Variants in NUDT22 observed in about 807,000 individuals in gnomAD.
NUDT22 encodes the protein uridine diphosphate glucose pyrophosphatase NUDT22.
In NUDT22, 23 loss-of-function variants were observed where a neutral mutation model predicts 28.8. That is an observed-to-expected ratio of 0.80 (90% CI 0.58 to 1.13). The LOEUF (loss-of-function observed/expected upper bound fraction) is 1.13. NUDT22 is among the 50% of genes most tolerant of loss of function. The pLI, the probability that NUDT22 is intolerant of heterozygous loss-of-function variation, is 0.00. For synonymous variants in NUDT22, 175 were observed against 173.7 expected (o/e 1.01, Z -0.06); for missense variants, 358 against 387.3 (o/e 0.92, Z 0.64).
downstream of NUDT22, chr11:64,230,060 G>GC: frequency 2.8e-6 from 4 of 1,444,502 alleles, no homozygotes; most frequent in Non-Finnish European, 3.9e-6. Flanking sequence ...GGAGCAATGG[G>GC]CCCTGAGTGT....
In NUDT22 at chr11:64,229,841, T is replaced by A; in HGVS notation, c.772-9T>A. On this transcript the variant is annotated splice_polypyrimidine_tract_variant and intron_variant, in intron 5 of 5. Coordinates refer to ENST00000279206, the MANE Select transcript of NUDT22 (RefSeq NM_032344.4). Reference sequence around the variant, plus strand: ...GCTTGAATGCCTGGGTCTCGTTGTCTCCCCACAGAACGTGCAGAGATTGCT... The same window carrying A: ...GCTTGAATGCCTGGGTCTCGTTGTCACCCCACAGAACGTGCAGAGATTGCT... 6.2e-7 allele frequency: 1 copy of A among 1,612,902 alleles called. No homozygotes were observed.
At chr11:64,226,518 G>A (rs1037977675) in intron 1 of NUDT22, 91 bp downstream of exon 1, 4 of 1,487,566 alleles carry the variant, frequency 2.7e-6, no homozygotes, top group Non-Finnish European at 3.5e-6. Context: ...AGTGGTCAGG[G>A]GGGTGGAGAA....
Position 64,226,301 on chromosome 11 carries a change from A to T in NUDT22, c.-145A>T. 1 of 968,848 alleles carries T rather than the reference A, an allele frequency of 1.0e-6. No individual in the cohort carries two copies. Among genetic ancestry groups the T allele is most frequent in the Non-Finnish European group, 1.3e-6 (1 of 758,434 alleles). The allele number at this position is 968,848 out of a possible 1,614,324, so 60.0% of individuals were successfully genotyped here. A position where few individuals can be genotyped will look rare whatever the true frequency, so the allele number is the denominator to read the frequency against. On this transcript the variant is annotated 5_prime_UTR_variant, in exon 1 of 6. Coordinates refer to ENST00000279206, the MANE Select transcript of NUDT22 (RefSeq NM_032344.4). ...AGCCTGAGGGACCCGGCGGCTGGTG[A>T]GCGCCCGCTGGAGGCTGGAGCTTCC...
Position 64,227,330 on chromosome 11 carries a change from C to T in NUDT22, c.480+198C>T, listed in dbSNP as rs565246296. On this transcript the variant is annotated intron_variant, in intron 2 of 5. Transcript: ENST00000279206. ...CAGTCCTGTGAGAAACTAGAAAACA[C>T]GGGAGGAAAGATTGGGCACAGGAAG... 2.5e-4 allele frequency: 191 copies of T among 761,032 alleles called. No homozygotes were observed. In the South Asian group the frequency reaches 2.7e-3, roughly 11 times the overall value. The allele number at this position is 761,032 out of a possible 1,614,324, so 47.1% of individuals were successfully genotyped here. A position where few individuals can be genotyped will look rare whatever the true frequency, so the allele number is the denominator to read the frequency against.
intron 5 of NUDT22, 52 bp from the exon 6 acceptor site, chr11:64,229,798 T>G (rs1591072224): frequency 6.2e-7 from 1 of 1,610,116 alleles, no homozygotes; most frequent in Non-Finnish European, 8.5e-7. Flanking sequence ...GGCACAGCCC[T>G]GGCAGGAGAA....
chr11:64,227,231 AG>A, intron 2 of NUDT22, 99 bp downstream of exon 2: 1 of 1,417,192 alleles, frequency 7.1e-7, no homozygotes. Context: ...CATTCCTTAA[AG>A]GGAAAATTGG....
chr11:64,230,094 G>GAAA (rs10708923), downstream of NUDT22: 114 of 721,004 alleles, frequency 1.6e-4, no homozygotes, highest in Non-Finnish European at 1.6e-4. Context: ...AGTGACTTGG[G>GAAA]AAAAAAAAAA....
At chr11:64,227,542 C>G in intron 2 of NUDT22, 26 bp from the exon 3 acceptor site, 1 of 1,576,274 alleles carries the variant, frequency 6.3e-7, no homozygotes, top group Middle Eastern at 1.7e-4. Flanking sequence ...AGGTGGGGAG[C>G]AGGGGCTGAG....
At position 64,226,853 on chromosome 11, in the gene NUDT22, C is replaced by A. The variant is rs1184532773; in HGVS notation, c.201C>A (p.Thr67=). The change falls in exon 2 of 6, where the codon ACC becomes ACA. Residue 67 remains threonine (T), a synonymous_variant. Coordinates refer to ENST00000279206, the MANE Select transcript of NUDT22 (RefSeq NM_032344.4). ...CCAAGTTCCGCCTGCACTCAGCCAC[C>A]CTGGCGCCTATTGGCTCTCGGGGGC... The part of the protein sequence containing the change: ...DAPKFRLHSA[T]LAPIGSRGPQ... 6.2e-7 allele frequency: 1 copy of A among 1,607,896 alleles called. No homozygotes were observed. The highest frequency in any genetic ancestry group is 8.5e-7 in the Non-Finnish European group (1 of 1,179,922).
In NUDT22 at chr11:64,227,565, C is replaced by T; in HGVS notation, c.481-3C>T. ...AGCAGGGGCTGAGCCTGACCTCTCA[C>T]AGGCCCTGTGCCCTGGTGGCAGCCC... On this transcript the variant is annotated splice_region_variant and splice_polypyrimidine_tract_variant and intron_variant, in intron 2 of 5. Transcript: ENST00000279206. 1 of 1,612,570 alleles carries T rather than the reference C, an allele frequency of 6.2e-7. No homozygotes were observed. Among genetic ancestry groups the T allele is most frequent in the African/African-American group, 1.3e-5 (1 of 75,042 alleles).
chr11:64,227,800 G>GTGAAGCCAA (rs1320905353), intron 3 of NUDT22, 134 bp downstream of exon 3: 4 of 668,898 alleles, frequency 6.0e-6, no homozygotes, highest in Non-Finnish European at 1.1e-5. Context: ...TGGCTTTGCA[G>GTGAAGCCAA]CTATACATAC....
Position 64,226,927 on chromosome 11 carries a change from G to T in NUDT22, c.275G>T (p.Gly92Val), listed in dbSNP as rs76224047. 3.5e-4 allele frequency: 561 copies of T among 1,602,264 alleles called. 2 individuals are homozygous for T. The African/African-American group carries it at 7.0e-3, about 20-fold the overall frequency. The change falls in exon 2 of 6, where the codon GGC becomes GTC. Residue 92 changes from glycine to valine, a missense_variant. Physicochemically the swap from Gly to Val is moderately radical, Grantham distance 109. Transcript: ENST00000279206. ...LGLTSYRDFL[G>V]TNWSSSAAWL... ...CTTACTTCCTACCGAGACTTCCTGG[G>T]CACCAACTGGTCCAGCTCAGCTGCC...
In NUDT22 at chr11:64,226,877, G is replaced by A; in HGVS notation, c.225G>A (p.Gly75=). 6 of 1,605,116 alleles carry A rather than the reference G, an allele frequency of 3.7e-6. No individual in the cohort carries two copies. Among genetic ancestry groups the A allele is most frequent in the Non-Finnish European group, 5.1e-6 (6 of 1,179,928 alleles). Residue 75 remains glycine (G), a synonymous_variant, in exon 2 of 6, where the codon GGG becomes GGA. Transcript: ENST00000279206. ...CCCTGGCGCCTATTGGCTCTCGGGG[G>A]CCACAGCTGCTCCTGCGCCTGGGCC... is the stretch of plus-strand genomic sequence containing the variant. ...SATLAPIGSR[G]PQLLLRLGLT...
At position 64,227,049 on chromosome 11, in the gene NUDT22, T is replaced by C. The variant is rs773543444; in HGVS notation, c.397T>C (p.Phe133Leu). The C allele has an allele frequency of 6.2e-7, 1 of 1,603,382 alleles. No individual in the cohort carries two copies. The highest frequency in any genetic ancestry group is 1.3e-5 in the African/African-American group (1 of 75,024). Residue 133 changes from phenylalanine (F) to leucine (L), a missense_variant, in exon 2 of 6, where the codon TTC (phenylalanine) becomes CTC (leucine). By Grantham distance (22) the Phe-to-Leu change is conservative. Coordinates refer to ENST00000279206, the MANE Select transcript of NUDT22 (RefSeq NM_032344.4). ...CGCTGCACTAGCCACAGCCGATGAC[T>C]TCCTTGTCTTCCTGCGCCGCTCCCG... ...VGAALATADD[F>L]LVFLRRSRQV...
chr11:64,230,087 G>T, downstream of NUDT22: 29 of 922,416 alleles, frequency 3.1e-5, no homozygotes, highest in Non-Finnish European at 4.0e-5. Context: ...CAGGACAAGT[G>T]ACTTGGGAAA....
downstream of NUDT22, chr11:64,230,045 A>G (rs1947147582): frequency 6.4e-7 from 1 of 1,573,758 alleles, no homozygotes; most frequent in African/African-American, 1.4e-5. Context: ...TTTCTGTAAC[A>G]GAGAGGAGCA....
In NUDT22 at chr11:64,229,501, T is replaced by C. The variant is rs1947134732; in HGVS notation, c.701T>C (p.Val234Ala). ...YVQCSLTSEQ[V>A]RKHYLSGGPE... ...AGGTGCAGCCTGACTTCTGAGCAGG[T>C]GAGGAAGCACTACCTGAGTGGGGGA... The change falls in exon 5 of 6, where the codon GTG becomes GCG. Residue 234 changes from valine (V) to alanine (A), a missense_variant. Val to Ala is a moderately conservative substitution (Grantham distance 64). Coordinates refer to ENST00000279206, the MANE Select transcript of NUDT22 (RefSeq NM_032344.4). 5 of 1,614,122 alleles carry C rather than the reference T, an allele frequency of 3.1e-6. No individual in the cohort carries two copies. The highest frequency in any genetic ancestry group is 3.4e-6 in the Non-Finnish European group (4 of 1,179,996).
At chr11:64,230,096 A>T, downstream of NUDT22, 8 of 550,724 alleles carry the variant, frequency 1.5e-5, no homozygotes, top group Admixed American at 5.8e-5. Flanking sequence ...TGACTTGGGA[A>T]AAAAAAAAAA....
chr11:64,229,617 T>C, intron 5 of NUDT22, 46 bp downstream of exon 5: 1 of 1,541,664 alleles, frequency 6.5e-7, no homozygotes, highest in Non-Finnish European at 9.0e-7. Flanking sequence ...GGCTGGGGCC[T>C]GCAGAGGCCT....
Sources: gnomAD v4.1 joint callset for allele counts on GRCh38, gnomAD v4.1.1 for gene constraint, MANE v1.5 for transcripts, NCBI Gene and HGNC (gene_info 2026-07-23, HGNC 2026-07-21) for gene names.